Variants in TENM3 observed in about 807,000 individuals in gnomAD.
TENM3 encodes the protein teneurin-3.
TENM3 carries 63 observed loss-of-function variants against 255.1 expected under a neutral mutation model. The ratio of observed to expected loss-of-function variants is 0.25; its 90% CI spans 0.20 to 0.30. TENM3 has a LOEUF of 0.30. TENM3 is among the 10% of genes least tolerant of loss of function. The pLI is 1.00. For missense variants in TENM3, 2,929 were observed against 3,461.1 expected (o/e 0.85, Z 3.86); for synonymous variants, 1,306 against 1,322.3 (o/e 0.99, Z 0.27).
At chr4:182,130,994 T>G in the TENM3 span, among the ~76,000 whole-genome samples, 2 of 152,272 alleles carry the variant, frequency 1.3e-5, no homozygotes, top group East Asian at 3.9e-4. Context: ...AATTGTTATT[T>G]GATAACAGTT....
At chr4:182,600,553 T>TTAATTACCCATTAA (rs1260647400) in intron 3 of TENM3, among the ~76,000 whole-genome samples, 1 of 152,172 alleles carries the variant, frequency 6.6e-6, no homozygotes, top group East Asian at 1.9e-4. Context: ...ACCCATTTAA[T>TTAATTACCCATTAA]TTCAGGGTTG....
intron 1 of TENM3, among the ~76,000 whole-genome samples, chr4:182,274,489 G>A (rs1187274122): frequency 6.6e-6 from 1 of 152,160 alleles, no homozygotes. Context: ...GAGGCAAAGT[G>A]GAGTGAGGAC....
At chr4:181,670,848 A>G in the TENM3 span, among the ~76,000 whole-genome samples, 43,743 of 152,082 alleles carry the variant, frequency 0.29, 6,469 homozygotes, top group African/African-American at 0.34. Flanking sequence ...ATATTTTATT[A>G]TAACGCACAT....
At chr4:182,417,533 G>T (rs1770478627) in intron 3 of TENM3, among the ~76,000 whole-genome samples, 1 of 151,400 alleles carries the variant, frequency 6.6e-6, no homozygotes, top group South Asian at 2.1e-4. Flanking sequence ...CAACTTTTAG[G>T]ATAATGATAG....
At chr4:181,533,498 ATGGAT>A in the TENM3 span, among the ~76,000 whole-genome samples, 1 of 152,000 alleles carries the variant, frequency 6.6e-6, no homozygotes, top group Non-Finnish European at 1.5e-5. Flanking sequence ...TCCCTTAAGG[ATGGAT>A]TGGTTTTCTA....
chr4:182,785,776 C>CA (rs34456992), intron 24 of TENM3, among the ~76,000 whole-genome samples: 17,536 of 116,402 alleles, frequency 0.15, 1,160 homozygotes, highest in Admixed American at 0.19. Flanking sequence ...ATGACTGTAA[C>CA]AAAAAAAAAA....
intron 3 of TENM3, among the ~76,000 whole-genome samples, chr4:182,460,140 G>A (rs1182727961): frequency 1.3e-5 from 2 of 152,092 alleles, no homozygotes; most frequent in Admixed American, 6.6e-5. Flanking sequence ...ACGCTGAAAC[G>A]AGACAGCTAG....
the TENM3 span, among the ~76,000 whole-genome samples, chr4:181,682,122 T>C: frequency 6.6e-6 from 1 of 152,254 alleles, no homozygotes; most frequent in East Asian, 1.9e-4. Flanking sequence ...GGCCCCCAAG[T>C]GGAGCACAAT....
chr4:182,473,605 G>A lies in TENM3; in HGVS notation c.511+126676G>A, dbSNP rs554048124. Among the ~76,000 whole-genome samples the A allele has an allele frequency of 8.5e-5, 13 of 152,202 alleles. No individual in the cohort carries two copies. In the East Asian group the frequency reaches 1.5e-3, roughly 18 times the overall value. On this transcript the variant is annotated intron_variant, in intron 3 of 27. Transcript: ENST00000511685. ...AGTGAATGGCGTGAACTAGGGAGGCGGAGCTTGCAGTGAGCCGAGATCGCG... is the reference window on the plus strand; with the variant it reads ...AGTGAATGGCGTGAACTAGGGAGGCAGAGCTTGCAGTGAGCCGAGATCGCG...
the TENM3 span, among the ~76,000 whole-genome samples, chr4:181,658,726 CT>C: frequency 2.6e-5 from 4 of 152,186 alleles, no homozygotes; most frequent in Admixed American, 2.0e-4. Flanking sequence ...GTCATTGTAT[CT>C]GTATAGTAGA....
the TENM3 span, among the ~76,000 whole-genome samples, chr4:181,702,001 G>T: frequency 1.2e-3 from 185 of 152,244 alleles, 5 homozygotes; most frequent in East Asian, 0.028. Flanking sequence ...AGCAGCCTAG[G>T]TCCGTGCCAT....
intron 1 of TENM3, among the ~76,000 whole-genome samples, chr4:182,317,372 T>C (rs943425256): frequency 4.6e-5 from 7 of 152,118 alleles, no homozygotes; most frequent in African/African-American, 1.7e-4. Flanking sequence ...CTGTCATGGC[T>C]CACTGCAGCC....
chr4:182,411,021 C>A (rs1490608119), intron 3 of TENM3, among the ~76,000 whole-genome samples: 1 of 152,092 alleles, frequency 6.6e-6, no homozygotes, highest in Non-Finnish European at 1.5e-5. Context: ...TCAGTGTGCT[C>A]AAAAGCAGGT....
chr4:181,989,424 T>G, the TENM3 span, among the ~76,000 whole-genome samples: 1 of 152,082 alleles, frequency 6.6e-6, no homozygotes, highest in East Asian at 1.9e-4. Flanking sequence ...CAGAATATAG[T>G]ACCCTAAAGA....
At chr4:182,288,441 T>C (rs1214624914) in intron 1 of TENM3, among the ~76,000 whole-genome samples, 2 of 152,208 alleles carry the variant, frequency 1.3e-5, no homozygotes, top group Non-Finnish European at 2.9e-5. Flanking sequence ...ACATGTTTAC[T>C]AGTTTTCACG....
chr4:181,925,697 A>C, the TENM3 span, among the ~76,000 whole-genome samples: 3 of 152,196 alleles, frequency 2.0e-5, no homozygotes, highest in East Asian at 5.8e-4. Flanking sequence ...GTTTCAAATT[A>C]ATCTTGGTAG....
chr4:181,642,318 G>A, the TENM3 span, among the ~76,000 whole-genome samples: 1 of 151,974 alleles, frequency 6.6e-6, no homozygotes, highest in Non-Finnish European at 1.5e-5. Flanking sequence ...TGATGGGGTG[G>A]TTAGTTTTTT....
At chr4:181,576,533 T>C in the TENM3 span, among the ~76,000 whole-genome samples, 1 of 152,094 alleles carries the variant, frequency 6.6e-6, no homozygotes, top group Non-Finnish European at 1.5e-5. Context: ...TAATTTACAT[T>C]CCACCAGCAG....
chr4:182,546,761 C>G (rs1741491909), intron 3 of TENM3, among the ~76,000 whole-genome samples: 1 of 152,116 alleles, frequency 6.6e-6, no homozygotes, highest in Non-Finnish European at 1.5e-5. Context: ...ACAGATAATC[C>G]TGAAAATGGA....
Sources: gnomAD v4.1 joint callset for allele counts (sites outside exome capture counted in the v4.1 genomes callset) on GRCh38, gnomAD v4.1.1 for gene constraint, MANE v1.5 for transcripts, NCBI Gene and HGNC (gene_info 2026-07-23, HGNC 2026-07-21) for gene names.